The following PLPP3 variants were observed in gnomAD, a reference collection of about 807,000 sequenced individuals.
The protein encoded by PLPP3 is phospholipid phosphatase 3.
A neutral mutation model predicts 29.6 loss-of-function variants in PLPP3; 6 were observed. That is an observed-to-expected ratio of 0.20 (90% confidence interval 0.11 to 0.40). PLPP3 has a LOEUF of 0.40. Among genes scored for constraint, PLPP3 ranks in the 10% least tolerant of loss-of-function variants. PLPP3 has a pLI of 1.00. For missense variants in PLPP3, 308 were observed against 407.7 expected (o/e 0.76, Z 2.11); for synonymous variants, 152 against 159.7 (o/e 0.95, Z 0.36).
chr1:56,511,844 G>GCCTAAGA (rs1645742948), intron 5 of PLPP3, 132 bp downstream of exon 5: 1 of 1,071,262 alleles, frequency 9.3e-7, no homozygotes, highest in Non-Finnish European at 1.4e-6. Flanking sequence ...AAGGCCTAAG[G>GCCTAAGA]CCAGGTGACT....
chr1:56,521,283 C>T (rs1645818051), intron 4 of PLPP3, among the ~76,000 whole-genome samples: 1 of 149,692 alleles, frequency 6.7e-6, no homozygotes, highest in East Asian at 2.0e-4. Flanking sequence ...GAAAGTTTTG[C>T]AGATCAGATG....
chr1:56,540,865 G>A (rs181594442), intron 1 of PLPP3, among the ~76,000 whole-genome samples: 1 of 152,226 alleles, frequency 6.6e-6, no homozygotes, highest in East Asian at 1.9e-4. Context: ...TGCCCTTCCA[G>A]GACACAGAGA....
intron 5 of PLPP3, among the ~76,000 whole-genome samples, chr1:56,508,255 G>A (rs1645717069): frequency 6.6e-6 from 1 of 152,176 alleles, no homozygotes; most frequent in African/African-American, 2.4e-5. Context: ...GCCGGGAGGT[G>A]AAGGGGTGGA....
At chr1:56,555,262 TC>T (rs138767403) in intron 1 of PLPP3, among the ~76,000 whole-genome samples, 24,639 of 150,490 alleles carry the variant, frequency 0.16, 2,189 homozygotes, top group Middle Eastern at 0.25. Context: ...CTTGGTGACT[TC>T]CCCGGGGACT....
chr1:56,560,825 C>G (rs1301708186), intron 1 of PLPP3, among the ~76,000 whole-genome samples: 1 of 144,478 alleles, frequency 6.9e-6, no homozygotes, highest in African/African-American at 2.5e-5. Context: ...TCTCCCCATT[C>G]AGAGTCCTTT....
At chr1:56,557,216 A>T (rs953919513) in intron 1 of PLPP3, among the ~76,000 whole-genome samples, 4 of 151,500 alleles carry the variant, frequency 2.6e-5, no homozygotes, top group Middle Eastern at 3.4e-3. Context: ...CATCTCTACT[A>T]AAAATACAAA....
At chr1:56,547,762 T>C (rs779528147) in intron 1 of PLPP3, among the ~76,000 whole-genome samples, 2 of 152,156 alleles carry the variant, frequency 1.3e-5, no homozygotes, top group African/African-American at 2.4e-5. Context: ...GGGATCCTCT[T>C]GGGAATTTCT....
chr1:56,527,435 T>TTAA (rs1441109637), intron 2 of PLPP3, among the ~76,000 whole-genome samples: 1 of 152,036 alleles, frequency 6.6e-6, no homozygotes, highest in Non-Finnish European at 1.5e-5. Context: ...AGTGACAGAG[T>TTAA]TAAGAGTAGA....
At chr1:56,553,776 G>T (rs1303815221) in intron 1 of PLPP3, among the ~76,000 whole-genome samples, 1 of 152,202 alleles carries the variant, frequency 6.6e-6, no homozygotes, top group African/African-American at 2.4e-5. Context: ...TGTGTATGTG[G>T]ATTTTGGAGT....
chr1:56,561,129 G>A lies in PLPP3; in HGVS notation c.139+17749C>T, dbSNP rs548712966. Among the ~76,000 whole-genome samples the A allele has an allele frequency of 2.0e-5, 3 of 151,948 alleles. No individual in the cohort carries two copies. In the South Asian group the frequency reaches 6.2e-4, roughly 32 times the overall value. ...CCCAAAGTGCTGGGATTACAGGCGT[G>A]AGCCACTGCACCCGGCCCAGAGCCC... On this transcript the variant is annotated intron_variant, in intron 1 of 5. Coordinates refer to ENST00000371250, the MANE Select transcript of PLPP3 (RefSeq NM_003713.5).
chr1:56,523,694 T>G, intron 4 of PLPP3, 129 bp downstream of exon 4: 1 of 1,053,560 alleles, frequency 9.5e-7, no homozygotes, highest in South Asian at 1.4e-5. Flanking sequence ...AAACCTAACT[T>G]TTCTAGCTAA....
chr1:56,496,416 A>AC lies in PLPP3; in HGVS notation c.*134_*135insG, dbSNP rs1553134876. On this transcript the variant is annotated 3_prime_UTR_variant, in exon 6 of 6. Transcript: ENST00000371250. ...ATTTTGGAAGGCCACATAGTAAAAC[A>AC]TTTTTTTTTTCCTTTTTAAAAATCA... 6.2e-5 allele frequency: 68 copies of AC among 1,091,654 alleles called. No individual in the cohort carries two copies. The highest frequency in any genetic ancestry group is 8.1e-5 in the Non-Finnish European group (63 of 782,538). The allele number at this position is 1,091,654 out of a possible 1,614,324, so 67.6% of individuals were successfully genotyped here.
chr1:56,532,097 A>T (rs1645893074), intron 2 of PLPP3, among the ~76,000 whole-genome samples: 1 of 152,202 alleles, frequency 6.6e-6, no homozygotes, highest in Non-Finnish European at 1.5e-5. Flanking sequence ...CTTCCAGGAC[A>T]TGAGAGTGAG....
chr1:56,556,876 C>T (rs1253679932), intron 1 of PLPP3, among the ~76,000 whole-genome samples: 1 of 129,374 alleles, frequency 7.7e-6, no homozygotes, highest in Non-Finnish European at 1.6e-5. Context: ...GACTGGCCAA[C>T]ATAGTGAGAG....
intron 1 of PLPP3, among the ~76,000 whole-genome samples, chr1:56,559,731 C>T (rs1349279001): frequency 6.6e-6 from 1 of 152,062 alleles, no homozygotes; most frequent in Non-Finnish European, 1.5e-5. Flanking sequence ...TGAACTTGAA[C>T]CTGCACAAGG....
At chr1:56,567,296 T>C (rs1646167037) in intron 1 of PLPP3, among the ~76,000 whole-genome samples, 1 of 152,128 alleles carries the variant, frequency 6.6e-6, no homozygotes, top group Non-Finnish European at 1.5e-5. Context: ...AAAAACAAAG[T>C]GACGCTTTAG....
At chr1:56,517,299 G>T (rs573564997) in intron 4 of PLPP3, among the ~76,000 whole-genome samples, 1 of 152,282 alleles carries the variant, frequency 6.6e-6, no homozygotes, top group African/African-American at 2.4e-5. Context: ...TGTGCCTGGT[G>T]GGTAGCTTGC....
chr1:56,549,721 C>T (rs946035091), intron 1 of PLPP3, among the ~76,000 whole-genome samples: 1 of 152,148 alleles, frequency 6.6e-6, no homozygotes, highest in African/African-American at 2.4e-5. Flanking sequence ...TGAGTAGAGA[C>T]CTCTGGACTT....
chr1:56,534,873 GT>G (rs1462093414), intron 2 of PLPP3, among the ~76,000 whole-genome samples: 1 of 152,058 alleles, frequency 6.6e-6, no homozygotes, highest in Non-Finnish European at 1.5e-5. Flanking sequence ...GGACCAAGAG[GT>G]AAGAAATTCC....
Sources: gnomAD v4.1 joint callset for allele counts (sites outside exome capture counted in the v4.1 genomes callset) on GRCh38, gnomAD v4.1.1 for gene constraint, MANE v1.5 for transcripts, NCBI Gene and HGNC (gene_info 2026-07-23, HGNC 2026-07-21) for gene names.